CEP43: variants seen among roughly 807,000 people sequenced by gnomAD.
CEP43 encodes the protein FGFR1 oncogene partner.
A neutral mutation model predicts 52.6 loss-of-function variants in CEP43; 36 were observed. That is an observed-to-expected ratio of 0.68 (90% CI 0.52 to 0.90). The LOEUF is 0.90. Among genes scored for constraint, CEP43 ranks in the 40% least tolerant of loss-of-function variants. CEP43 has a pLI of 0.00. For missense variants in CEP43, 506 were observed against 472.8 expected (o/e 1.07, Z -0.65); for synonymous variants, 192 against 172.4 (o/e 1.11, Z -0.89).
At chr6:167,001,648 T>C (rs1028864050) in intron 2 of CEP43, among the ~76,000 whole-genome samples, 1 of 152,238 alleles carries the variant, frequency 6.6e-6, no homozygotes, top group African/African-American at 2.4e-5. Flanking sequence ...GACCATCATT[T>C]ATCTGGCAAG....
At chr6:167,002,933 C>T (rs748014771) in intron 2 of CEP43, among the ~76,000 whole-genome samples, 1 of 152,174 alleles carries the variant, frequency 6.6e-6, no homozygotes, top group Non-Finnish European at 1.5e-5. Flanking sequence ...AATTGTATTT[C>T]ACACAGGTAT....
At chr6:167,023,842 G>T (rs1780293489) in intron 8 of CEP43, among the ~76,000 whole-genome samples, 1 of 152,158 alleles carries the variant, frequency 6.6e-6, no homozygotes, top group African/African-American at 2.4e-5. Flanking sequence ...TGGAATGGGG[G>T]TGCGAGGCAG....
intron 5 of CEP43, among the ~76,000 whole-genome samples, chr6:167,006,252 C>G (rs1347063169): frequency 6.6e-6 from 1 of 152,202 alleles, no homozygotes; most frequent in African/African-American, 2.4e-5. Context: ...CGCGGTAGCT[C>G]ATGCCTGTAA....
At position 167,046,595 on chromosome 6, in the gene CEP43, C is replaced by G. The variant is rs1477810718; in HGVS notation, c.*6617C>G. The G allele has an allele frequency of 6.6e-6, 1 of 152,286 alleles. No homozygotes were observed. The highest frequency in any genetic ancestry group is 1.5e-5 in the Non-Finnish European group (1 of 68,058). 9.4% of individuals were successfully genotyped at this position (152,286 alleles called of 1,614,324 possible). On this transcript the variant is annotated 3_prime_UTR_variant, in exon 13 of 13. Coordinates refer to ENST00000366847, the MANE Select transcript of CEP43 (RefSeq NM_007045.4). ...TCAACAAGCAGTTGGCTGATTTCTTCTGTCCACTCCACCTGCAGATGCAGA... is the reference window on the plus strand; with the variant it reads ...TCAACAAGCAGTTGGCTGATTTCTTGTGTCCACTCCACCTGCAGATGCAGA...
intron 5 of CEP43, among the ~76,000 whole-genome samples, chr6:167,005,457 A>C (rs1056920547): frequency 1.3e-5 from 2 of 152,214 alleles, no homozygotes; most frequent in African/African-American, 2.4e-5. Flanking sequence ...CACATGCCAA[A>C]ATTTTATTGA....
At chr6:167,028,121 A>C in intron 10 of CEP43, 1 of 985,588 alleles carries the variant, frequency 1.0e-6, no homozygotes, top group Non-Finnish European at 1.2e-6. Context: ...TGACCTCTGC[A>C]CCGTGATGGC....
At chr6:167,011,486 A>G (rs764222413) in intron 6 of CEP43, 2 of 152,108 alleles carry the variant, frequency 1.3e-5, no homozygotes, top group Admixed American at 1.3e-4. Flanking sequence ...AATGAGCTCT[A>G]CACTTTGAAT....
At chr6:167,009,712 T>C (rs1043387988) in intron 5 of CEP43, among the ~76,000 whole-genome samples, 15 of 149,730 alleles carry the variant, frequency 1.0e-4, no homozygotes, top group African/African-American at 3.7e-4. Flanking sequence ...GGTGCATTCC[T>C]ATAATCCCAG....
rs186914793 is a variant in CEP43, at chr6:167,045,761, G to A, written c.*5783G>A. Reference sequence around the variant, plus strand: ...AAAACAACAACAACAACGAAAAAACGATTTTGGCATGTTTTGTAAGTTGCC... The same window carrying A: ...AAAACAACAACAACAACGAAAAAACAATTTTGGCATGTTTTGTAAGTTGCC... On this transcript the variant is annotated 3_prime_UTR_variant, in exon 13 of 13. Coordinates refer to ENST00000366847, the MANE Select transcript of CEP43 (RefSeq NM_007045.4). 2 of 152,440 alleles carry A rather than the reference G, an allele frequency of 1.3e-5. No individual in the cohort carries two copies. Among genetic ancestry groups the A allele is most frequent in the East Asian group, 1.9e-4 (1 of 5,158 alleles). The allele number at this position is 152,440 out of a possible 1,614,324, so 9.4% of individuals were successfully genotyped here. A position where few individuals can be genotyped will look rare whatever the true frequency, so the allele number is the denominator to read the frequency against.
intron 3 of CEP43, 37 bp downstream of exon 3, chr6:167,003,284 G>T: frequency 1.7e-6 from 2 of 1,194,712 alleles, no homozygotes; most frequent in Non-Finnish European, 2.4e-6. Flanking sequence ...ATCTATCTCT[G>T]AATTTTTGAA....
chr6:167,012,624 A>G (rs1562525756), intron 6 of CEP43, among the ~76,000 whole-genome samples: 1 of 152,224 alleles, frequency 6.6e-6, no homozygotes. Flanking sequence ...CAAATTAGCA[A>G]TCCTAACCTA....
chr6:167,003,778 T>C lies in CEP43; in HGVS notation c.267T>C (p.Phe89=). ...AEFLQFFNLD[F]TLAVFQPETS... ...TTCTTCAGTTTTTTAACCTTGACTT[T>C]ACTTTGGCTGTTTTTCAACCTGAAA... The change falls in exon 4 of 13, where the codon TTT becomes TTC. Residue 89 remains phenylalanine, a synonymous_variant. Transcript: ENST00000366847. 1 of 1,611,846 alleles carries C rather than the reference T, an allele frequency of 6.2e-7. No homozygotes were observed. The highest frequency in any genetic ancestry group is 1.3e-5 in the African/African-American group (1 of 75,008).
intron 3 of CEP43, 26 bp from the exon 4 acceptor site, chr6:167,003,697 A>C (rs758505981): frequency 6.9e-7 from 1 of 1,452,276 alleles, no homozygotes; most frequent in Non-Finnish European, 9.6e-7. Flanking sequence ...AGATTTGCTT[A>C]CTTACCTTTT....
intron 12 of CEP43, among the ~76,000 whole-genome samples, chr6:167,037,377 G>C (rs906924361): frequency 2.0e-5 from 3 of 152,076 alleles, no homozygotes; most frequent in Non-Finnish European, 4.4e-5. Flanking sequence ...CTTTGTAAAC[G>C]AGATGGAATA....
chr6:166,999,587 G>C, intron 1 of CEP43, 73 bp downstream of exon 1: 1 of 1,126,582 alleles, frequency 8.9e-7, no homozygotes, highest in Non-Finnish European at 1.2e-6. Context: ...CACAACGGTC[G>C]CGGCGAGGAG....
intron 5 of CEP43, among the ~76,000 whole-genome samples, chr6:167,009,784 C>T (rs1252862519): frequency 6.6e-6 from 1 of 151,460 alleles, no homozygotes; most frequent in Non-Finnish European, 1.5e-5. Flanking sequence ...TGCAGTGAGC[C>T]GAGATCGCAC....
In CEP43 at chr6:167,003,760, G is replaced by GT. The variant is rs753266401; in HGVS notation, c.255dup (p.Asn86Ter). On this transcript the variant is annotated frameshift_variant, in exon 4 of 13. Coordinates refer to ENST00000366847, the MANE Select transcript of CEP43 (RefSeq NM_007045.4). LOFTEE classifies it high-confidence loss of function. ...CTAGTCTTGTTGCAGAATTTCTTCA[G>GT]TTTTTTAACCTTGACTTTACTTTGG... is the stretch of plus-strand genomic sequence containing the variant. 1 of 1,612,232 alleles carries GT rather than the reference G, an allele frequency of 6.2e-7. No homozygotes were observed. Among genetic ancestry groups the GT allele is most frequent in the Admixed American group, 1.7e-5 (1 of 59,992 alleles).
rs41269607 is a variant in CEP43 at position 167,040,344 on chromosome 6, G to T, written c.*366G>T. The T allele has an allele frequency of 2.8e-6, 4 of 1,405,788 alleles. No individual in the cohort carries two copies. The highest frequency in any genetic ancestry group is 1.4e-5 in the African/African-American group (1 of 69,276). The allele number at this position is 1,405,788 out of a possible 1,614,324, so 87.1% of individuals were successfully genotyped here. ...CCTTTGTGTGTGTGGCTGCTGGTAC[G>T]TGTGATCTTTGAAAACCTTGGCTTT... On this transcript the variant is annotated 3_prime_UTR_variant, in exon 13 of 13. Transcript: ENST00000366847.
chr6:167,035,206 A>G (rs1168332822), intron 12 of CEP43, among the ~76,000 whole-genome samples: 2 of 152,184 alleles, frequency 1.3e-5, no homozygotes, highest in African/African-American at 4.8e-5. Context: ...TAAAAGCTTA[A>G]ATTTAGATAA....
Sources: allele counts gnomAD v4.1 joint callset (sites outside exome capture counted in the v4.1 genomes callset), GRCh38; gene constraint gnomAD v4.1.1; transcripts MANE v1.5; gene names NCBI Gene and HGNC (gene_info 2026-07-23, HGNC 2026-07-21).